Variants in KAZN observed in about 807,000 individuals in gnomAD.
KAZN encodes kazrin.
Under a neutral mutation model 87.4 loss-of-function variants are expected in KAZN, and 40 were observed. The ratio of observed to expected loss-of-function variants is 0.46; its 90% CI spans 0.36 to 0.60. KAZN has a LOEUF of 0.60. Ranked by LOEUF, KAZN falls within the 20% of genes least tolerant of loss-of-function variation. The pLI is 0.00. For synonymous variants in KAZN, 466 were observed against 458.3 expected (o/e 1.02, Z -0.22); for missense variants, 898 against 1,073.9 (o/e 0.84, Z 2.29).
intron 1 of KAZN, among the ~76,000 whole-genome samples, chr1:13,945,156 A>G (rs1641088487): frequency 6.6e-6 from 1 of 152,170 alleles, no homozygotes; most frequent in South Asian, 2.1e-4. Context: ...TGAAAGATAT[A>G]CTATCTGGAA....
intron 2 of KAZN, among the ~76,000 whole-genome samples, chr1:14,298,799 A>G (rs971632439): frequency 9.8e-5 from 15 of 152,354 alleles, no homozygotes; most frequent in African/African-American, 3.6e-4. Flanking sequence ...CAGACATAGA[A>G]TGGGTTACTA....
chr1:14,462,887 A>G (rs1667928614), intron 2 of KAZN, among the ~76,000 whole-genome samples: 1 of 152,170 alleles, frequency 6.6e-6, no homozygotes, highest in South Asian at 2.1e-4. Context: ...CTATAATTCA[A>G]GATGAGATTT....
chr1:14,695,434 GAGA>G (rs1641538481), intron 1 of KAZN, among the ~76,000 whole-genome samples: 2 of 151,604 alleles, frequency 1.3e-5, no homozygotes, highest in South Asian at 2.1e-4. Flanking sequence ...GAAATTATAG[GAGA>G]AGAATAGAAT....
At chr1:14,657,309 C>T (rs982177252) in intron 1 of KAZN, among the ~76,000 whole-genome samples, 1 of 152,074 alleles carries the variant, frequency 6.6e-6, no homozygotes, top group African/African-American at 2.4e-5. Flanking sequence ...TCTCGAACTC[C>T]CGACCTCAGG....
intron 1 of KAZN, among the ~76,000 whole-genome samples, chr1:14,128,841 G>A (rs1271753025): frequency 1.3e-5 from 2 of 152,104 alleles, no homozygotes; most frequent in Non-Finnish European, 2.9e-5. Flanking sequence ...CATAGCGTCA[G>A]GAAATCTCCA....
At chr1:15,102,841 G>A (rs1641126598) in intron 11 of KAZN, among the ~76,000 whole-genome samples, 2 of 152,240 alleles carry the variant, frequency 1.3e-5, no homozygotes, top group South Asian at 2.1e-4. Context: ...TTAGTGGAGC[G>A]AGGACAGCAG....
chr1:14,350,088 C>A (rs907309613), intron 2 of KAZN, among the ~76,000 whole-genome samples: 1 of 147,996 alleles, frequency 6.8e-6, no homozygotes, highest in Non-Finnish European at 1.5e-5. Context: ...GAGCTGAGAT[C>A]GCGCCACTGC....
rs548582489 is a variant in KAZN at position 14,210,611 on chromosome 1, T to C, written c.249+30019T>C. On this transcript the variant is annotated intron_variant, in intron 2 of 16. Transcript: ENST00000636203. Reference sequence around the variant, plus strand: ...ACTAACCCCATTGCACTCTTAAAAATTACTAAGGACCCCTAAGAATCTTGA... The same window carrying C: ...ACTAACCCCATTGCACTCTTAAAAACTACTAAGGACCCCTAAGAATCTTGA... 1.9e-3 allele frequency among the ~76,000 whole-genome samples: 296 copies of C among 152,262 alleles called. 1 individual carries two copies. Among genetic ancestry groups the C allele is most frequent in the Non-Finnish European group, 3.6e-3 (243 of 68,016 alleles).
intron 1 of KAZN, among the ~76,000 whole-genome samples, chr1:13,913,206 TAGAC>T (rs752462577): frequency 3.3e-4 from 50 of 152,218 alleles, no homozygotes; most frequent in African/African-American, 1.1e-3. Context: ...CCAGCTCAGA[TAGAC>T]AGACATCAGG....
At chr1:14,222,418 C>A (rs1647124271) in intron 2 of KAZN, among the ~76,000 whole-genome samples, 1 of 152,186 alleles carries the variant, frequency 6.6e-6, no homozygotes, top group South Asian at 2.1e-4. Context: ...TAACTAAGTG[C>A]TGGTTAAAGC....
At chr1:14,991,632 G>A (rs1316539232) in intron 2 of KAZN, among the ~76,000 whole-genome samples, 3 of 152,164 alleles carry the variant, frequency 2.0e-5, no homozygotes, top group African/African-American at 7.2e-5. Flanking sequence ...TTATTTGGGG[G>A]ACCATGTGCA....
intron 2 of KAZN, among the ~76,000 whole-genome samples, chr1:15,026,135 G>A (rs1416985315): frequency 3.3e-5 from 5 of 152,168 alleles, no homozygotes; most frequent in Non-Finnish European, 5.9e-5. Flanking sequence ...TCTCTTCCCC[G>A]GGGCTCTTTA....
At chr1:14,934,969 C>G (rs562126888) in intron 1 of KAZN, among the ~76,000 whole-genome samples, 1 of 152,228 alleles carries the variant, frequency 6.6e-6, no homozygotes. Flanking sequence ...CTTCTTCTAG[C>G]GCCGGGGGCC....
chr1:14,525,407 C>T (rs538555763), intron 2 of KAZN, among the ~76,000 whole-genome samples: 1 of 152,344 alleles, frequency 6.6e-6, no homozygotes, highest in African/African-American at 2.4e-5. Context: ...GTTGCAACTA[C>T]TCAGCTGGCC....
intron 1 of KAZN, among the ~76,000 whole-genome samples, chr1:14,888,558 G>A (rs1654367756): frequency 2.6e-5 from 4 of 151,798 alleles, no homozygotes; most frequent in African/African-American, 7.3e-5. Flanking sequence ...CTTTTTGCGT[G>A]ACTATTAATT....
At chr1:14,007,989 C>T (rs181986741) in intron 1 of KAZN, among the ~76,000 whole-genome samples, 3 of 152,220 alleles carry the variant, frequency 2.0e-5, no homozygotes, top group African/African-American at 4.8e-5. Flanking sequence ...AGAGGTTTTA[C>T]TGTTTTGTCT....
intron 2 of KAZN, among the ~76,000 whole-genome samples, chr1:14,337,279 C>A (rs1298284302): frequency 6.6e-6 from 1 of 151,948 alleles, no homozygotes; most frequent in Non-Finnish European, 1.5e-5. Flanking sequence ...TCAAGAGTAA[C>A]CCTAGATCAT....
chr1:14,786,845 G>A lies in KAZN; in HGVS notation c.227-173839G>A, dbSNP rs116312205. ...ATTGTAACAATATTGTTACTATGTG[G>A]AAATATGCCAGGGTGAATCTTCTAG... is the stretch of plus-strand genomic sequence containing the variant. On this transcript the variant is annotated intron_variant, in intron 1 of 14. Coordinates refer to ENST00000376030, the MANE Select transcript of KAZN (RefSeq NM_201628.3). Among the ~76,000 whole-genome samples, 1,457 of 152,232 alleles carry A rather than the reference G, an allele frequency of 9.6e-3. 23 individuals are homozygous for A. The highest frequency in any genetic ancestry group is 0.032 in the African/African-American group (1,312 of 41,540).
chr1:13,921,718 C>T (rs531590418), intron 1 of KAZN, among the ~76,000 whole-genome samples: 6 of 152,176 alleles, frequency 3.9e-5, no homozygotes, highest in South Asian at 2.1e-4. Context: ...CTCCGCCTCC[C>T]GGGTTCATGC....
Sources: allele counts gnomAD v4.1 joint callset (sites outside exome capture counted in the v4.1 genomes callset), GRCh38; gene constraint gnomAD v4.1.1; transcripts MANE v1.5; gene names NCBI Gene and HGNC (gene_info 2026-07-23, HGNC 2026-07-21).